MTHFD1: variants seen among roughly 807,000 people sequenced by gnomAD.
The protein encoded by MTHFD1 is C-1-tetrahydrofolate synthase, cytoplasmic.
A neutral mutation model predicts 110.3 loss-of-function variants in MTHFD1; 44 were observed. That is an observed-to-expected ratio of 0.40 (90% CI 0.31 to 0.51). The LOEUF is 0.51. Ranked by LOEUF, MTHFD1 falls within the 20% of genes least tolerant of loss-of-function variation. The probability of loss-of-function intolerance (pLI) is 0.60; values close to 1 mark genes in which losing one functional copy is unlikely to be tolerated. For synonymous variants in MTHFD1, 402 were observed against 428.8 expected, an observed-to-expected ratio of 0.94 and a Z score of 0.77; for missense variants, 909 against 1,173.1, an observed-to-expected ratio of 0.77 and a Z score of 3.29.
intron 1 of MTHFD1, among the ~76,000 whole-genome samples, chr14:64,397,139 ATAT>A (rs1412172334): frequency 1.0e-3 from 1 of 988 alleles, no homozygotes; most frequent in Non-Finnish European, 1.7e-3. Flanking sequence ...AAAAAAAAAA[ATAT>A]ATATATATAT....
chr14:64,418,108 C>T, intron 7 of MTHFD1, 84 bp downstream of exon 7: 1 of 1,484,984 alleles, frequency 6.7e-7, no homozygotes. Flanking sequence ...ACACTCATGA[C>T]CTCATTTAAC....
chr14:64,407,038 TTC>T (rs2077941241), intron 2 of MTHFD1, among the ~76,000 whole-genome samples: 1 of 152,186 alleles, frequency 6.6e-6, no homozygotes, highest in African/African-American at 2.4e-5. Context: ...TAGCAATGCA[TTC>T]AAGAACATTC....
chr14:64,448,109 C>T, intron 22 of MTHFD1, 108 bp from the exon 23 acceptor site: 1 of 795,304 alleles, frequency 1.3e-6, no homozygotes, highest in South Asian at 1.5e-5. Context: ...CCTCCTTGTC[C>T]TGATAGTGAG....
intron 12 of MTHFD1, among the ~76,000 whole-genome samples, chr14:64,427,738 T>C (rs1050964003): frequency 1.1e-4 from 16 of 152,178 alleles, no homozygotes; most frequent in African/African-American, 3.9e-4. Context: ...ACCCTCATAG[T>C]CCACTGCTAC....
At chr14:64,411,823 C>A (rs1382214359) in intron 3 of MTHFD1, among the ~76,000 whole-genome samples, 1 of 151,970 alleles carries the variant, frequency 6.6e-6, no homozygotes, top group Non-Finnish European at 1.5e-5. Context: ...ATCGCTTGAA[C>A]CTGGGAGGCG....
Position 64,424,598 on chromosome 14 carries a change from C to T in MTHFD1, c.728-206C>T, listed in dbSNP as rs561808696. Among the ~76,000 whole-genome samples the T allele has an allele frequency of 6.6e-5, 10 of 152,302 alleles. No homozygotes were observed. In the South Asian group the frequency reaches 2.1e-3, roughly 32 times the overall value. ...GGATTCTCCAGGTTCTGTAAAACCA[C>T]TTATGCATCTTGTGAATTTTTGCAG... On this transcript the variant is annotated intron_variant, in intron 8 of 27. Coordinates refer to ENST00000652337, the MANE Select transcript of MTHFD1 (RefSeq NM_005956.4).
At chr14:64,440,897 A>C (rs752071656) in intron 18 of MTHFD1, 1 of 256,558 alleles carries the variant, frequency 3.9e-6, no homozygotes, top group Non-Finnish European at 7.6e-6. Context: ...TTTGTATTCT[A>C]TCTGGCAACT....
intron 22 of MTHFD1, 134 bp from the exon 23 acceptor site, chr14:64,448,083 C>G: frequency 1.4e-6 from 1 of 718,994 alleles, no homozygotes; most frequent in Non-Finnish European, 2.5e-6. Context: ...AAGGGACCTT[C>G]TCTCTTCTTT....
At chr14:64,429,206 A>G (rs1170393767) in intron 12 of MTHFD1, among the ~76,000 whole-genome samples, 2 of 134,444 alleles carry the variant, frequency 1.5e-5, no homozygotes, top group Admixed American at 7.5e-5. Context: ...ATGTGCCTGT[A>G]ATCCCAGACC....
chr14:64,401,800 T>C (rs1221411595), intron 2 of MTHFD1, among the ~76,000 whole-genome samples: 1 of 152,200 alleles, frequency 6.6e-6, no homozygotes, highest in Non-Finnish European at 1.5e-5. Flanking sequence ...TAAATAACAT[T>C]TTATGGAACA....
intron 8 of MTHFD1, among the ~76,000 whole-genome samples, chr14:64,421,748 C>T (rs575584647): frequency 2.2e-4 from 33 of 152,212 alleles, no homozygotes; most frequent in Middle Eastern, 3.4e-3. Flanking sequence ...CTCCGCCTCC[C>T]GAGTAGCTGG....
rs144796556 is a variant in MTHFD1 at position 64,436,304 on chromosome 14, T to C, written c.1597+633T>C. 2.9e-3 allele frequency among the ~76,000 whole-genome samples: 442 copies of C among 152,168 alleles called. 4 individuals carry two copies. Among genetic ancestry groups the C allele is most frequent in the African/African-American group, 9.9e-3 (412 of 41,548 alleles). On this transcript the variant is annotated intron_variant, in intron 16 of 27. Coordinates refer to ENST00000652337, the MANE Select transcript of MTHFD1 (RefSeq NM_005956.4). ...AGAGACAGGGTTTCACCATGTTAGC[T>C]AGGATGGTCTCAATCTCCTGACCTC...
chr14:64,420,165 T>G (rs1053177614), intron 8 of MTHFD1, among the ~76,000 whole-genome samples: 1 of 152,188 alleles, frequency 6.6e-6, no homozygotes, highest in African/African-American at 2.4e-5. Flanking sequence ...AAGATGACTT[T>G]GTCCAGGGAG....
rs890678681 is a variant in MTHFD1, at chr14:64,442,504, C to T, written c.2136+102C>T. ...TTCTTCATTGAGTTGCTCTTATCCT[C>T]GTGATTAACAGGCAGCAAAAGCAAG... On this transcript the variant is annotated intron_variant, in intron 21 of 27. Coordinates refer to ENST00000652337, the MANE Select transcript of MTHFD1 (RefSeq NM_005956.4). 3.8e-5 allele frequency: 48 copies of T among 1,272,546 alleles called. No homozygotes were observed. The East Asian group carries it at 8.6e-4, about 23-fold the overall frequency. 78.8% of individuals were successfully genotyped at this position (1,272,546 alleles called of 1,614,324 possible).
At chr14:64,441,494 C>T (rs2078246394) in intron 19 of MTHFD1, 41 bp downstream of exon 19, 2 of 1,592,776 alleles carry the variant, frequency 1.3e-6, no homozygotes, top group Admixed American at 3.3e-5. Flanking sequence ...TGGTTTTGGA[C>T]AGTCAGAGCA....
intron 8 of MTHFD1, among the ~76,000 whole-genome samples, chr14:64,424,535 CA>C (rs1432493873): frequency 1.3e-5 from 2 of 152,182 alleles, no homozygotes; most frequent in Non-Finnish European, 2.9e-5. Flanking sequence ...GAATAAAAAA[CA>C]GTTGGTATTT....
intron 2 of MTHFD1, among the ~76,000 whole-genome samples, chr14:64,405,365 C>T (rs1444473717): frequency 1.3e-5 from 2 of 152,152 alleles, no homozygotes; most frequent in Non-Finnish European, 2.9e-5. Context: ...TTCTACAGCT[C>T]GTCTCCTACG....
At chr14:64,439,677 G>A (rs1368041068) in intron 17 of MTHFD1, among the ~76,000 whole-genome samples, 1 of 151,470 alleles carries the variant, frequency 6.6e-6, no homozygotes, top group Non-Finnish European at 1.5e-5. Flanking sequence ...GAGGCGGGCG[G>A]ATCACTTGAG....
chr14:64,442,241 A>C (rs759368384), intron 20 of MTHFD1, 22 bp from the exon 21 acceptor site: 1 of 1,614,196 alleles, frequency 6.2e-7, no homozygotes, highest in Admixed American at 1.7e-5. Flanking sequence ...TGGCATTTTT[A>C]CTGTTGCTTT....
Sources: allele counts gnomAD v4.1 joint callset (sites outside exome capture counted in the v4.1 genomes callset), GRCh38; gene constraint gnomAD v4.1.1; transcripts MANE v1.5; gene names NCBI Gene and HGNC (gene_info 2026-07-23, HGNC 2026-07-21).